The following DLG2 variants were observed in gnomAD, a reference collection of about 807,000 sequenced individuals.
DLG2 encodes the protein discs large MAGUK scaffold protein 2.
In DLG2, 45 loss-of-function variants were observed where a neutral mutation model predicts 132.5. The observed-to-expected ratio is 0.34, with a 90% CI of 0.27 to 0.44. The LOEUF (loss-of-function observed/expected upper bound fraction) is 0.44, where lower values mean the gene tolerates loss of function less well. DLG2 is among the 20% of genes least tolerant of loss of function. DLG2 has a pLI of 1.00. For missense variants in DLG2, 1,045 were observed against 1,196.9 expected (o/e 0.87, Z 1.87); for synonymous variants, 424 against 419.6 (o/e 1.01, Z -0.13).
chr11:84,987,848 C>A (rs2374605), intron 6 of DLG2, among the ~76,000 whole-genome samples: 1 of 152,154 alleles, frequency 6.6e-6, no homozygotes, highest in African/African-American at 2.4e-5. Context: ...CCCTTCTGGG[C>A]ATTGGCTTAT....
chr11:84,232,794 G>T (rs940167729), intron 8 of DLG2, among the ~76,000 whole-genome samples: 2 of 152,126 alleles, frequency 1.3e-5, no homozygotes, highest in Admixed American at 1.3e-4. Context: ...TCAGTATTCT[G>T]CTATACTAGT....
intron 6 of DLG2, among the ~76,000 whole-genome samples, chr11:84,976,922 T>C (rs150359400): frequency 1.7e-4 from 26 of 152,310 alleles, no homozygotes; most frequent in African/African-American, 5.5e-4. Flanking sequence ...TTTACATTCA[T>C]TAGTATTTGG....
chr11:83,947,701 AT>A (rs1372177881), intron 14 of DLG2, among the ~76,000 whole-genome samples: 1 of 152,186 alleles, frequency 6.6e-6, no homozygotes, highest in African/African-American at 2.4e-5. Context: ...AACCCGTGGC[AT>A]AGGCATGGAT....
At chr11:84,109,112 C>T (rs1342890830) in intron 9 of DLG2, among the ~76,000 whole-genome samples, 1 of 151,432 alleles carries the variant, frequency 6.6e-6, no homozygotes, top group Non-Finnish European at 1.5e-5. Context: ...ATACTTACAT[C>T]GTCAAAAAAA....
chr11:85,198,146 A>C (rs1302040540), intron 4 of DLG2, among the ~76,000 whole-genome samples: 3 of 152,160 alleles, frequency 2.0e-5, no homozygotes, highest in Non-Finnish European at 2.9e-5. Flanking sequence ...ATTAGTGGTC[A>C]CAGGAAAGAC....
intron 3 of DLG2, among the ~76,000 whole-genome samples, chr11:85,359,085 C>T (rs1370177345): frequency 1.3e-5 from 2 of 152,146 alleles, no homozygotes; most frequent in African/African-American, 4.8e-5. Flanking sequence ...CTTGATCTTC[C>T]CTAGACTATG....
intron 4 of DLG2, among the ~76,000 whole-genome samples, chr11:85,263,215 C>CA (rs1332799761): frequency 6.6e-6 from 1 of 152,302 alleles, no homozygotes; most frequent in East Asian, 1.9e-4. Context: ...ATGAATTATG[C>CA]AGGGTGCTCA....
At chr11:84,635,636 C>G (rs1343000113) in intron 6 of DLG2, among the ~76,000 whole-genome samples, 1 of 151,966 alleles carries the variant, frequency 6.6e-6, no homozygotes, top group Non-Finnish European at 1.5e-5. Flanking sequence ...AAGATAGTAA[C>G]AAATACAAAA....
At chr11:84,988,794 C>A (rs1409344880) in intron 6 of DLG2, among the ~76,000 whole-genome samples, 1 of 152,004 alleles carries the variant, frequency 6.6e-6, no homozygotes, top group Non-Finnish European at 1.5e-5. Flanking sequence ...GTGATGGGTG[C>A]ACCAAAATCT....
intron 3 of DLG2, among the ~76,000 whole-genome samples, chr11:85,587,878 G>A (rs2079070978): frequency 6.6e-6 from 1 of 152,076 alleles, no homozygotes; most frequent in Non-Finnish European, 1.5e-5. Context: ...CATTTCTTGT[G>A]GTGCTGACTT....
intron 16 of DLG2, among the ~76,000 whole-genome samples, chr11:83,861,573 T>C (rs1279931368): frequency 6.6e-6 from 1 of 152,136 alleles, no homozygotes; most frequent in Non-Finnish European, 1.5e-5. Flanking sequence ...TTCAACAACA[T>C]GGATAAAACT....
chr11:84,994,714 A>G (rs2057464359), intron 6 of DLG2, among the ~76,000 whole-genome samples: 1 of 152,086 alleles, frequency 6.6e-6, no homozygotes, highest in Non-Finnish European at 1.5e-5. Context: ...GCCAATTCTC[A>G]CTCTAGGGGA....
chr11:84,857,556 T>C (rs993381858), intron 6 of DLG2, among the ~76,000 whole-genome samples: 2 of 152,136 alleles, frequency 1.3e-5, no homozygotes, highest in African/African-American at 4.8e-5. Context: ...AAGTTTTCTG[T>C]GAAACATAAG....
chr11:85,165,971 C>T lies in DLG2; in HGVS notation c.187-11320G>A, dbSNP rs191828364. ...TAACTACTACACTAAACTCCTGAAC[C>T]ACATCTTTACTGCCCACTCATCCTT... On this transcript the variant is annotated intron_variant, in intron 4 of 27. Transcript: ENST00000376104. Among the ~76,000 whole-genome samples, 78 of 152,234 alleles carry T rather than the reference C, an allele frequency of 5.1e-4. 2 individuals carry two copies. The highest frequency in any genetic ancestry group is 1.7e-3 in the African/African-American group (69 of 41,558).
chr11:83,990,905 A>G (rs775837508), intron 11 of DLG2, among the ~76,000 whole-genome samples: 3 of 152,048 alleles, frequency 2.0e-5, no homozygotes, highest in Admixed American at 2.0e-4. Flanking sequence ...TCTATCTTGA[A>G]CCCTGGCTGG....
chr11:84,244,255 C>T (rs2097272478), intron 8 of DLG2, among the ~76,000 whole-genome samples: 1 of 152,106 alleles, frequency 6.6e-6, no homozygotes, highest in Non-Finnish European at 1.5e-5. Context: ...ACAATCTCAG[C>T]TCATTGCAAC....
chr11:85,602,421 T>C (rs1565745629), intron 2 of DLG2, among the ~76,000 whole-genome samples: 1 of 152,146 alleles, frequency 6.6e-6, no homozygotes, highest in African/African-American at 2.4e-5. Context: ...CTTTGTTTGT[T>C]TGTTTTGTTT....
chr11:83,955,373 G>C (rs769210021), intron 14 of DLG2, among the ~76,000 whole-genome samples: 7 of 152,120 alleles, frequency 4.6e-5, no homozygotes, highest in Non-Finnish European at 7.3e-5. Context: ...TGCCTGCTTA[G>C]GGTACTCTAG....
intron 3 of DLG2, among the ~76,000 whole-genome samples, chr11:85,425,578 C>A (rs1236228643): frequency 6.6e-6 from 1 of 152,006 alleles, no homozygotes; most frequent in African/African-American, 2.4e-5. Flanking sequence ...CATAAAAGTA[C>A]CTGTACCCTT....
Sources: allele counts gnomAD v4.1 joint callset (sites outside exome capture counted in the v4.1 genomes callset), GRCh38; gene constraint gnomAD v4.1.1; transcripts MANE v1.5; gene names NCBI Gene and HGNC (gene_info 2026-07-23, HGNC 2026-07-21).